The following MTG2 variants were observed in gnomAD, a reference collection of about 807,000 sequenced individuals.
MTG2 encodes the protein mitochondrial ribosome-associated GTPase 2.
Under a neutral mutation model 28.6 loss-of-function variants are expected in MTG2, and 23 were observed. The observed-to-expected ratio is 0.80, with a 90% CI of 0.58 to 1.14. The LOEUF is 1.14. Ranked by LOEUF, MTG2 falls within the 50% of genes most tolerant of loss-of-function variation. The pLI is 0.00. For synonymous variants in MTG2, 260 were observed against 251.8 expected, an observed-to-expected ratio of 1.03 and a Z score of -0.31; for missense variants, 539 against 552.0, an observed-to-expected ratio of 0.98 and a Z score of 0.24.
In MTG2 at chr20:62,200,823, G is replaced by T; in HGVS notation, c.967G>T (p.Asp323Tyr). Residue 323 changes from aspartate to tyrosine, a missense_variant, in exon 7 of 7, where the codon GAT becomes TAT. By Grantham distance (160) the Asp-to-Tyr change is radical. Coordinates refer to ENST00000370823, the MANE Select transcript of MTG2 (RefSeq NM_015666.4). ...GCCTGAGCCGTGGACTCAAGTTGAC[G>T]ATTTAAAATATGAACTGGAGATGTA... ...SQPEPWTQVD[D>Y]LKYELEMYEK... 6.2e-7 allele frequency: 1 copy of T among 1,613,930 alleles called. No individual in the cohort carries two copies. The highest frequency in any genetic ancestry group is 8.5e-7 in the Non-Finnish European group (1 of 1,180,044).
chr20:62,185,434 A>T (rs1031533972), intron 1 of MTG2, among the ~76,000 whole-genome samples: 1 of 150,604 alleles, frequency 6.6e-6, no homozygotes, highest in Non-Finnish European at 1.5e-5. Flanking sequence ...ATAAAAAATA[A>T]AAAATAAAAT....
At position 62,193,547 on chromosome 20, in the gene MTG2, C is replaced by T. The variant is rs2145846278; in HGVS notation, c.127C>T (p.Leu43=). 3 of 1,614,114 alleles carry T rather than the reference C, an allele frequency of 1.9e-6. No individual in the cohort carries two copies. The South Asian group carries it at 3.3e-5, about 18-fold the overall frequency. The change falls in exon 2 of 7, where the codon CTG becomes TTG. Residue 43 remains leucine, a synonymous_variant. Transcript: ENST00000370823. ...RLLPQRASPR[L]LSVGRADLAK... ...ACTGCCACAGCGGGCTTCTCCCAGG[C>T]TGCTCTCGGTCGGCCGTGCGGACCT...
At chr20:62,199,014 C>A (rs2058111803) in intron 5 of MTG2, 105 bp from the exon 6 acceptor site, 3 of 1,568,508 alleles carry the variant, frequency 1.9e-6, no homozygotes, top group South Asian at 1.2e-5. Context: ...GCCCTTGTGA[C>A]TCCCCCAGCC....
chr20:62,198,369 G>C (rs2058098109), intron 4 of MTG2: 4 of 567,250 alleles, frequency 7.1e-6, no homozygotes, highest in Middle Eastern at 9.4e-4. Context: ...TGGTGCTTCA[G>C]TTCACACTAA....
chr20:62,193,247 G>A (rs991366798), intron 1 of MTG2, among the ~76,000 whole-genome samples, 169 bp from the exon 2 acceptor site: 1 of 152,146 alleles, frequency 6.6e-6, no homozygotes, highest in East Asian at 1.9e-4. Flanking sequence ...AGGGCAAGAC[G>A]TGACCCAGGG....
At chr20:62,190,307 C>T (rs904862870) in intron 1 of MTG2, among the ~76,000 whole-genome samples, 12 of 152,306 alleles carry the variant, frequency 7.9e-5, no homozygotes, top group East Asian at 7.7e-4. Flanking sequence ...TACTTCTGTG[C>T]GCGTTGGAAG....
intron 1 of MTG2, 86 bp from the exon 2 acceptor site, chr20:62,193,330 C>G: frequency 3.9e-6 from 5 of 1,294,120 alleles, no homozygotes; most frequent in Non-Finnish European, 5.5e-6. Flanking sequence ...GCACAAAGAC[C>G]TGCTGCATGA....
rs1415892687 is a variant in MTG2, at chr20:62,201,722, TC to T, written c.*647del. ...GAGAAGAGCAGTGAGGCCAGCTGCT[TC>T]CTGTCCTTCAGAACACTTCTCTGTG... On this transcript the variant is annotated 3_prime_UTR_variant, in exon 7 of 7. Coordinates refer to ENST00000370823, the MANE Select transcript of MTG2 (RefSeq NM_015666.4). The T allele has an allele frequency of 6.6e-6, 1 of 152,308 alleles. No individual in the cohort carries two copies. Among genetic ancestry groups the T allele is most frequent in the Admixed American group, 6.5e-5 (1 of 15,282 alleles). The allele number at this position is 152,308 out of a possible 1,614,324, so 9.4% of individuals were successfully genotyped here.
At chr20:62,192,238 C>T (rs2057974397) in intron 1 of MTG2, among the ~76,000 whole-genome samples, 1 of 152,184 alleles carries the variant, frequency 6.6e-6, no homozygotes, top group Non-Finnish European at 1.5e-5. Flanking sequence ...TTGGGAGTTC[C>T]TACGACCCCT....
rs1038168373 is a variant in MTG2, at chr20:62,201,366, G to A, written c.*289G>A. On this transcript the variant is annotated 3_prime_UTR_variant, in exon 7 of 7. Transcript: ENST00000370823. Reference sequence around the variant, plus strand: ...AATAAGGGGTTGGGGTGCCCATAACGGGGTGGCCCTGCCGCTGACTCAGGT... The same window carrying A: ...AATAAGGGGTTGGGGTGCCCATAACAGGGTGGCCCTGCCGCTGACTCAGGT... 1.2e-5 allele frequency: 5 copies of A among 431,958 alleles called. No homozygotes were observed. Among genetic ancestry groups the A allele is most frequent in the Admixed American group, 4.1e-5 (1 of 24,164 alleles). 26.8% of individuals were successfully genotyped at this position (431,958 alleles called of 1,614,324 possible).
intron 1 of MTG2, among the ~76,000 whole-genome samples, chr20:62,183,476 G>A (rs921099146): frequency 2.6e-5 from 4 of 152,322 alleles, no homozygotes; most frequent in African/African-American, 7.2e-5. Context: ...GTATACAGTT[G>A]CACAAAACAA....
intron 2 of MTG2, among the ~76,000 whole-genome samples, chr20:62,194,915 AG>A (rs2145850661): frequency 6.6e-6 from 1 of 152,292 alleles, no homozygotes; most frequent in African/African-American, 2.4e-5. Flanking sequence ...CAGCTTTCCT[AG>A]CCGGGCACAG....
chr20:62,197,899 G>A lies in MTG2; in HGVS notation c.400G>A (p.Gly134Ser). The change falls in exon 4 of 7, where the codon GGT becomes AGT. Residue 134 changes from glycine (G) to serine (S), a missense_variant. By Grantham distance (56) the Gly-to-Ser change is moderately conservative. Transcript: ENST00000370823. ...GTCGTCGGTCCTGTCGCGGTACCAG[G>A]GTTTCAGTGGAGAAGATGGAGGGAG... ...SLSSVLSRYQGFSGEDGGSKN... is the reference protein window; with the variant it reads ...SLSSVLSRYQSFSGEDGGSKN... The A allele has an allele frequency of 6.2e-7, 1 of 1,614,216 alleles. No homozygotes were observed. The highest frequency in any genetic ancestry group is 8.5e-7 in the Non-Finnish European group (1 of 1,180,034).
chr20:62,197,974 C>T lies in MTG2; in HGVS notation c.468+7C>T, dbSNP rs553293444. The T allele has an allele frequency of 1.2e-5, 20 of 1,610,888 alleles. No individual in the cohort carries two copies. The highest frequency in any genetic ancestry group is 4.5e-5 in the East Asian group (2 of 44,844). On this transcript the variant is annotated splice_region_variant and intron_variant, in intron 4 of 6. Transcript: ENST00000370823. The stretch of plus-strand genomic sequence containing the variant: ...CGCCGTCCTCTACATCCGGGTGAGC[C>T]GAGACTGCCGGACCTGGCCCTGTCC...
intron 1 of MTG2, among the ~76,000 whole-genome samples, chr20:62,186,437 C>T (rs144360192): frequency 1.3e-5 from 2 of 151,652 alleles, no homozygotes; most frequent in East Asian, 1.9e-4. Context: ...CAGTTGTTTG[C>T]GGCTGGTATT....
Position 62,199,167 on chromosome 20 carries a change from A to T in MTG2, c.736A>T (p.Asn246Tyr). Residue 246 changes from asparagine (N) to tyrosine (Y), a missense_variant, in exon 6 of 7, where the codon AAC (asparagine) becomes TAC (tyrosine). Coordinates refer to ENST00000370823, the MANE Select transcript of MTG2 (RefSeq NM_015666.4). ...GTCCTCACTGCTCCGGGCCATTTCA[A>T]ACGCCAGACCCGCCGTGGCTTCCTA... ...GKSSLLRAIS[N>Y]ARPAVASYPF... 2 of 1,614,104 alleles carry T rather than the reference A, an allele frequency of 1.2e-6. No individual in the cohort carries two copies. Among genetic ancestry groups the T allele is most frequent in the Non-Finnish European group, 1.7e-6 (2 of 1,180,024 alleles).
In MTG2 at chr20:62,193,496, T is replaced by G; in HGVS notation, c.76T>G (p.Trp26Gly). The G allele has an allele frequency of 6.2e-7, 1 of 1,614,176 alleles. No homozygotes were observed. Among genetic ancestry groups the G allele is most frequent in the South Asian group, 1.1e-5 (1 of 91,072 alleles). The change falls in exon 2 of 7, where the codon TGG (tryptophan) becomes GGG (glycine). Residue 26 changes from tryptophan (W) to glycine (G), a missense_variant. Trp to Gly is a radical substitution (Grantham distance 184). Transcript: ENST00000370823. ...CGTGGGGCATTGGGCTTTGTCCACA[T>G]GGGCTGGCCTGAAGCCCAGCCGGCT... is the stretch of plus-strand genomic sequence containing the variant. ...QGVGHWALST[W>G]AGLKPSRLLP...
chr20:62,200,517 C>G (rs1304955343), intron 6 of MTG2, among the ~76,000 whole-genome samples, 166 bp from the exon 7 acceptor site: 1 of 146,308 alleles, frequency 6.8e-6, no homozygotes, highest in Non-Finnish European at 1.5e-5. Flanking sequence ...GGTGCTAAAT[C>G]AAATGGCTTC....
At position 62,200,894 on chromosome 20, in the gene MTG2, G is replaced by T; in HGVS notation, c.1038G>T (p.Lys346Asn). The change falls in exon 7 of 7, where the codon AAG (lysine) becomes AAT (asparagine). Residue 346 changes from lysine to asparagine, a missense_variant. By Grantham distance (94) the Lys-to-Asn change is moderately conservative (BLOSUM62 0). Coordinates refer to ENST00000370823, the MANE Select transcript of MTG2 (RefSeq NM_015666.4). Reference sequence around the variant, plus strand: ...GGCCCCACGCAATCGTCGCAAACAAGATTGACCTCCCTGAAGCCCAAGCCA... The same window carrying T: ...GGCCCCACGCAATCGTCGCAAACAATATTGACCTCCCTGAAGCCCAAGCCA... Reference protein sequence around the residue: ...SARPHAIVANKIDLPEAQANL... With the variant: ...SARPHAIVANNIDLPEAQANL... 6.2e-7 allele frequency: 1 copy of T among 1,614,040 alleles called. No homozygotes were observed. Among genetic ancestry groups the T allele is most frequent in the Non-Finnish European group, 8.5e-7 (1 of 1,180,044 alleles).
Sources: allele counts gnomAD v4.1 joint callset (sites outside exome capture counted in the v4.1 genomes callset), GRCh38; gene constraint gnomAD v4.1.1; transcripts MANE v1.5; gene names NCBI Gene and HGNC (gene_info 2026-07-23, HGNC 2026-07-21).